Variants in ARSG observed in about 807,000 individuals in gnomAD.
ARSG encodes arylsulfatase G.
In ARSG, 37 loss-of-function variants were observed where a neutral mutation model predicts 50.5. The observed-to-expected ratio is 0.73, with a 90% confidence interval of 0.56 to 0.96. The LOEUF is 0.96. ARSG is among the 50% of genes least tolerant of loss of function. The pLI is 0.00. For missense variants in ARSG, 629 were observed against 675.3 expected (o/e 0.93, Z 0.76); for synonymous variants, 225 against 254.6 (o/e 0.88, Z 1.11).
intron 3 of ARSG, 144 bp from the exon 4 acceptor site, chr17:68,346,981 T>C (rs2078536061): frequency 6.5e-7 from 1 of 1,540,082 alleles, no homozygotes; most frequent in South Asian, 1.2e-5. Context: ...AAAGCCTGGC[T>C]TGTACACCAC....
At chr17:68,366,820 A>G (rs1368878412) in intron 6 of ARSG, among the ~76,000 whole-genome samples, 4 of 152,140 alleles carry the variant, frequency 2.6e-5, no homozygotes, top group African/African-American at 7.2e-5. Flanking sequence ...TTTTGCAACA[A>G]TTACCACTAT....
chr17:68,435,962 G>A, the ARSG span, among the ~76,000 whole-genome samples: 3 of 152,374 alleles, frequency 2.0e-5, no homozygotes, highest in African/African-American at 7.2e-5. Flanking sequence ...AGCACCTGAT[G>A]CAGTGTGATG....
At chr17:68,392,552 T>G (rs2081044207) in intron 9 of ARSG, among the ~76,000 whole-genome samples, 1 of 152,298 alleles carries the variant, frequency 6.6e-6, no homozygotes, top group South Asian at 2.1e-4. Flanking sequence ...CAGGCTGGAG[T>G]GCAGTGGTGC....
At chr17:68,450,775 T>A in the ARSG span, 1 of 1,613,668 alleles carries the variant, frequency 6.2e-7, no homozygotes, top group Admixed American at 1.7e-5. Flanking sequence ...TAGCTGTAAT[T>A]ACAGATCTCT....
intron 1 of ARSG, among the ~76,000 whole-genome samples, chr17:68,292,496 G>A (rs972964210): frequency 2.6e-5 from 4 of 152,176 alleles, no homozygotes; most frequent in African/African-American, 4.8e-5. Flanking sequence ...CTCACATCCC[G>A]AGGGCAAATT....
intron 11 of ARSG, among the ~76,000 whole-genome samples, chr17:68,411,738 A>T (rs1440044702): frequency 2.0e-5 from 3 of 147,894 alleles, no homozygotes; most frequent in Admixed American, 1.3e-4. Flanking sequence ...AAAGTCTCCC[A>T]TTATTAATGT....
At chr17:68,272,819 T>C in intron 1 of ARSG, 3 of 1,601,278 alleles carry the variant, frequency 1.9e-6, no homozygotes, top group Non-Finnish European at 1.7e-6. Flanking sequence ...TGCTTGAGAC[T>C]GGAAGGATGC....
rs779251131 is a variant in ARSG, at chr17:68,346,896, T to C, written c.407-229T>C. 3 of 1,462,492 alleles carry C rather than the reference T, an allele frequency of 2.1e-6. No homozygotes were observed. In the African/African-American group the frequency reaches 4.2e-5, roughly 21 times the overall value. 90.6% of individuals were successfully genotyped at this position (1,462,492 alleles called of 1,614,324 possible). A position where few individuals can be genotyped will look rare whatever the true frequency, so the allele number is the denominator to read the frequency against. On this transcript the variant is annotated intron_variant, in intron 3 of 11. Coordinates refer to ENST00000621439, the MANE Select transcript of ARSG (RefSeq NM_001267727.2). Reference sequence around the variant, plus strand: ...CCTGGTGATGGGCTGTCTTCCCCTTTCACTGTGGTTTCCCGTGTGAGTCTG... The same window carrying C: ...CCTGGTGATGGGCTGTCTTCCCCTTCCACTGTGGTTTCCCGTGTGAGTCTG...
chr17:68,295,901 A>C (rs1357865654), intron 1 of ARSG, among the ~76,000 whole-genome samples: 4 of 151,940 alleles, frequency 2.6e-5, no homozygotes, highest in Non-Finnish European at 4.4e-5. Flanking sequence ...GCTGGTCTCG[A>C]ACTCCTGGCC....
chr17:68,260,380 G>T (rs1358729218), intron 1 of ARSG, among the ~76,000 whole-genome samples: 1 of 152,186 alleles, frequency 6.6e-6, no homozygotes, highest in Non-Finnish European at 1.5e-5. Flanking sequence ...GATTATACAC[G>T]ATTAAACTGT....
At chr17:68,267,714 A>G (rs1258227558) in intron 1 of ARSG, 1 of 151,830 alleles carries the variant, frequency 6.6e-6, no homozygotes, top group Non-Finnish European at 1.5e-5. Context: ...GAAAACTGCT[A>G]ACGTGAGCAA....
intron 1 of ARSG, among the ~76,000 whole-genome samples, chr17:68,306,245 G>A (rs937972746): frequency 8.6e-5 from 13 of 151,910 alleles, no homozygotes; most frequent in East Asian, 2.0e-4. Flanking sequence ...CAGGTGATCC[G>A]CCCGCCTTGA....
In ARSG at chr17:68,351,612, T is replaced by C. The variant is rs759670602; in HGVS notation, c.492T>C (p.Asp164=). 2.5e-6 allele frequency: 4 copies of C among 1,613,738 alleles called. No homozygotes were observed. The Admixed American group carries it at 6.7e-5, about 27-fold the overall frequency. ...DYYFGIPYSH[D]MGCTDTPGYN... ...ACTTTGGAATCCCATATAGCCATGA[T>C]ATGGGCTGTACTGATACTCCAGGCT... Residue 164 remains aspartate, a synonymous_variant, in exon 5 of 12, where the codon GAT becomes GAC. Transcript: ENST00000621439.
intron 3 of ARSG, among the ~76,000 whole-genome samples, chr17:68,345,563 C>A (rs2038689102): frequency 1.3e-5 from 2 of 152,160 alleles, no homozygotes; most frequent in Non-Finnish European, 2.9e-5. Flanking sequence ...TTAAGCATAT[C>A]CAGCTGTTGC....
Position 68,378,403 on chromosome 17 carries a change from G to T in ARSG, c.983-6661G>T, listed in dbSNP as rs1003136133. Among the ~76,000 whole-genome samples, 1 of 152,182 alleles carries T rather than the reference G, an allele frequency of 6.6e-6. No individual in the cohort carries two copies. Among genetic ancestry groups the T allele is most frequent in the Non-Finnish European group, 1.5e-5 (1 of 68,036 alleles). On this transcript the variant is annotated intron_variant, in intron 8 of 11. Coordinates refer to ENST00000621439, the MANE Select transcript of ARSG (RefSeq NM_001267727.2). This position sits in a 1 kb window ranked among gnomAD's most constrained non-coding sequence, Gnocchi z 4.4. ...GTCTTCCCTTTCCTTTCCTGGCCGA[G>T]CCGCCCAGCTCAGCTGATGGGATGA... is the stretch of plus-strand genomic sequence containing the variant.
upstream of ARSG, among the ~76,000 whole-genome samples, chr17:68,287,144 C>T (rs1382676399): frequency 1.3e-5 from 2 of 152,058 alleles, no homozygotes; most frequent in Admixed American, 6.5e-5. Flanking sequence ...CCACCATGCC[C>T]GGCTAATTTT....
chr17:68,415,931 A>T (rs1005817345), intron 11 of ARSG, among the ~76,000 whole-genome samples: 1 of 152,194 alleles, frequency 6.6e-6, no homozygotes, highest in Non-Finnish European at 1.5e-5. Context: ...GAGTCTCCCG[A>T]AGGCAGCAGA....
rs369014920 is a variant in ARSG at position 68,326,646 on chromosome 17, CAA to C, written c.219-16957_219-16956del. Among the ~76,000 whole-genome samples, 717 of 152,270 alleles carry C rather than the reference CAA, an allele frequency of 4.7e-3. 11 individuals carry two copies. The highest frequency in any genetic ancestry group is 0.016 in the African/African-American group (647 of 41,552). On this transcript the variant is annotated intron_variant, in intron 2 of 11. Coordinates refer to ENST00000621439, the MANE Select transcript of ARSG (RefSeq NM_001267727.2). ...TGCCATTGCACTCCAGCCTGGGTGA[CAA>C]GAGCGAAACTCCGTCTAAAAAACAA...
At chr17:68,421,454 G>A (rs900845172), downstream of ARSG, 39 of 329,942 alleles carry the variant, frequency 1.2e-4, no homozygotes, top group Middle Eastern at 9.0e-4. Flanking sequence ...TTTTTTACAC[G>A]GCATATATTT....
Sources: gnomAD v4.1 joint callset for allele counts (sites outside exome capture counted in the v4.1 genomes callset) on GRCh38, gnomAD v4.1.1 for gene constraint, Gnocchi (gnomAD v3.1) non-coding constraint, MANE v1.5 for transcripts, NCBI Gene and HGNC (gene_info 2026-07-23, HGNC 2026-07-21) for gene names.